Variants in PARP6 observed in about 807,000 individuals in gnomAD.
PARP6 encodes poly(ADP-ribose) polymerase family member 6.
In PARP6, 27 loss-of-function variants were observed where a neutral mutation model predicts 92.0. That is an observed-to-expected ratio of 0.29 (90% CI 0.22 to 0.40). The LOEUF (loss-of-function observed/expected upper bound fraction) is 0.40. Ranked by LOEUF, PARP6 falls within the 10% of genes least tolerant of loss-of-function variation. PARP6 has a pLI of 1.00. For missense variants in PARP6, 501 were observed against 784.5 expected (o/e 0.64, Z 4.32); for synonymous variants, 272 against 281.2 (o/e 0.97, Z 0.33).
chr15:72,247,790 T>G (rs772728200), intron 20 of PARP6, among the ~76,000 whole-genome samples: 2 of 152,202 alleles, frequency 1.3e-5, no homozygotes, highest in African/African-American at 2.4e-5. Flanking sequence ...TATTACTTTT[T>G]ATTTTTTTTT....
chr15:72,267,126 G>A (rs1409471315), intron 3 of PARP6: 2 of 514,524 alleles, frequency 3.9e-6, no homozygotes, highest in African/African-American at 3.8e-5. Flanking sequence ...AAATGCAAAT[G>A]ACTTCAATGT....
At chr15:72,253,021 A>C (rs1354353647) in intron 16 of PARP6, among the ~76,000 whole-genome samples, 6 of 151,842 alleles carry the variant, frequency 4.0e-5, no homozygotes, top group Non-Finnish European at 8.8e-5. Flanking sequence ...CTCTATTAAA[A>C]AAAAAAAATT....
chr15:72,262,629 A>C (rs78382845), intron 8 of PARP6, among the ~76,000 whole-genome samples: 5,541 of 152,168 alleles, frequency 0.036, 174 homozygotes, highest in African/African-American at 0.088. Flanking sequence ...ACTCACCTCC[A>C]AACTTTCTGT....
intron 12 of PARP6, 56 bp from the exon 13 acceptor site, chr15:72,257,496 G>A: frequency 7.2e-7 from 1 of 1,389,844 alleles, no homozygotes; most frequent in Non-Finnish European, 1.0e-6. Flanking sequence ...TAAGGTGTAG[G>A]CAGAGAGGGA....
At chr15:72,248,648 C>T (rs953573570) in intron 20 of PARP6, among the ~76,000 whole-genome samples, 1 of 152,176 alleles carries the variant, frequency 6.6e-6, no homozygotes, top group Non-Finnish European at 1.5e-5. Context: ...TGAACTAAGA[C>T]ATAAGCCAGG....
chr15:72,266,226 G>A (rs1012383790), intron 4 of PARP6, among the ~76,000 whole-genome samples: 2 of 152,148 alleles, frequency 1.3e-5, no homozygotes, highest in Non-Finnish European at 2.9e-5. Context: ...CCAAATGTAG[G>A]CTTTTGCTTG....
intron 13 of PARP6, 106 bp from the exon 14 acceptor site, chr15:72,256,696 G>GT: frequency 1.1e-6 from 1 of 924,098 alleles, no homozygotes; most frequent in Non-Finnish European, 1.5e-6. Flanking sequence ...AAGCAAATAT[G>GT]TTTAAGGCTT....
chr15:72,247,177 A>T (rs939509704), intron 20 of PARP6, among the ~76,000 whole-genome samples: 5 of 151,560 alleles, frequency 3.3e-5, no homozygotes, highest in Admixed American at 6.6e-5. Context: ...TAAGTTTTAA[A>T]TTTTTTTTCT....
At chr15:72,260,406 G>C in intron 10 of PARP6, 72 bp downstream of exon 10, 1 of 1,268,592 alleles carries the variant, frequency 7.9e-7, no homozygotes, top group South Asian at 1.3e-5. Context: ...ACCCCATTTT[G>C]AGAAACTACA....
At chr15:72,254,420 G>A in intron 15 of PARP6, 35 bp downstream of exon 15, 1 of 1,454,238 alleles carries the variant, frequency 6.9e-7, no homozygotes, top group Non-Finnish European at 9.7e-7. Context: ...GAACTGGGCA[G>A]GCAAAGGAGA....
In PARP6 at chr15:72,258,021, G is replaced by C. The variant is rs751500907; in HGVS notation, c.906+16C>G. ...GACCTGGTTAAGGAAGAGGGTCATA[G>C]AGTACGGTCCTATACCTTCAGCATA... On this transcript the variant is annotated intron_variant, in intron 12 of 23. Coordinates refer to ENST00000569795, the MANE Select transcript of PARP6 (RefSeq NM_001323532.2). 1 of 1,554,724 alleles carries C rather than the reference G, an allele frequency of 6.4e-7. No individual in the cohort carries two copies. Among genetic ancestry groups the C allele is most frequent in the Admixed American group, 1.7e-5 (1 of 59,962 alleles).
chr15:72,264,587 C>A lies in PARP6; in HGVS notation c.363G>T (p.Lys121Asn). Residue 121 changes from lysine to asparagine, a missense_variant, in exon 8 of 24, where the codon AAG (lysine) becomes AAT (asparagine). Physicochemically the swap from Lys to Asn is moderately conservative, Grantham distance 94. Coordinates refer to ENST00000569795, the MANE Select transcript of PARP6 (RefSeq NM_001323532.2). Reference sequence around the variant, plus strand: ...ACTGAAGACCCAGCCCAAATCCTTCCTTATTTGATGGCTGGAAAACCTCAA... The same window carrying A: ...ACTGAAGACCCAGCCCAAATCCTTCATTATTTGATGGCTGGAAAACCTCAA... ...PSIEVFQPSNKEGFGLGLQLK... is the reference protein window; with the variant it reads ...PSIEVFQPSNNEGFGLGLQLK... The A allele has an allele frequency of 6.2e-7, 1 of 1,614,032 alleles. No individual in the cohort carries two copies. Among genetic ancestry groups the A allele is most frequent in the Non-Finnish European group, 8.5e-7 (1 of 1,179,934 alleles).
chr15:72,262,501 A>G (rs1459922800), intron 8 of PARP6, among the ~76,000 whole-genome samples: 1 of 152,020 alleles, frequency 6.6e-6, no homozygotes, highest in Non-Finnish European at 1.5e-5. Flanking sequence ...TCCTTTCCCA[A>G]AGTCAACAAA....
chr15:72,271,477 G>A (rs959612807), intron 1 of PARP6, among the ~76,000 whole-genome samples, 190 bp from the exon 2 acceptor site: 10 of 152,152 alleles, frequency 6.6e-5, no homozygotes, highest in African/African-American at 1.9e-4. Context: ...AAAGGAAGGT[G>A]GTGGGTTATG....
At chr15:72,257,996 G>T in intron 12 of PARP6, 41 bp downstream of exon 12, 1 of 1,363,112 alleles carries the variant, frequency 7.3e-7, no homozygotes, top group Non-Finnish European at 1.1e-6. Context: ...GAGTGAAGGG[G>T]ACCTGGTTAA....
chr15:72,265,330 C>G, intron 6 of PARP6, 83 bp downstream of exon 6: 1 of 1,253,454 alleles, frequency 8.0e-7, no homozygotes, highest in Non-Finnish European at 1.2e-6. Flanking sequence ...AAATACAGCA[C>G]TCGGGAACAA....
At chr15:72,258,625 A>C (rs1215493194) in intron 11 of PARP6, among the ~76,000 whole-genome samples, 1 of 152,256 alleles carries the variant, frequency 6.6e-6, no homozygotes, top group Non-Finnish European at 1.5e-5. Flanking sequence ...CATTTCAACT[A>C]CCTAGAACAA....
At chr15:72,250,982 G>A (rs778066363) in intron 17 of PARP6, 28 bp from the exon 18 acceptor site, 1 of 1,524,538 alleles carries the variant, frequency 6.6e-7, no homozygotes, top group South Asian at 1.1e-5. Context: ...GGTGGAATCA[G>A]GAAAACAGAG....
At position 72,265,406 on chromosome 15, in the gene PARP6, C is replaced by T. The variant is rs753090395; in HGVS notation, c.237+7G>A. 1 of 1,611,684 alleles carries T rather than the reference C, an allele frequency of 6.2e-7. No homozygotes were observed. Among genetic ancestry groups the T allele is most frequent in the Admixed American group, 1.7e-5 (1 of 60,026 alleles). ...ACATGTTGTTGGCAGGTACTAGCCC[C>T]ACTTACATCGAGGAAGCTGATGTTG... is the stretch of plus-strand genomic sequence containing the variant. On this transcript the variant is annotated splice_region_variant and intron_variant, in intron 6 of 23. Transcript: ENST00000569795.
Sources: gnomAD v4.1 joint callset for allele counts (sites outside exome capture counted in the v4.1 genomes callset) on GRCh38, gnomAD v4.1.1 for gene constraint, MANE v1.5 for transcripts, NCBI Gene and HGNC (gene_info 2026-07-23, HGNC 2026-07-21) for gene names.